LRRFIP1: variants seen among roughly 807,000 people sequenced by gnomAD.
LRRFIP1 encodes the protein leucine-rich repeat flightless-interacting protein 1.
Under a neutral mutation model 104.4 loss-of-function variants are expected in LRRFIP1, and 62 were observed. The observed-to-expected ratio is 0.59, with a 90% confidence interval of 0.48 to 0.73. The LOEUF is 0.73. Ranked by LOEUF, LRRFIP1 falls within the 30% of genes least tolerant of loss-of-function variation. LRRFIP1 has a pLI of 0.00. For missense variants in LRRFIP1, 796 were observed against 824.5 expected, an observed-to-expected ratio of 0.97 and a Z score of 0.42; for synonymous variants, 300 against 299.0, an observed-to-expected ratio of 1.00 and a Z score of -0.03.
chr2:237,648,762 C>T (rs1373303590), intron 1 of LRRFIP1, among the ~76,000 whole-genome samples: 1 of 150,434 alleles, frequency 6.6e-6, no homozygotes, highest in African/African-American at 2.4e-5. Context: ...TCAGAGCCTG[C>T]GTGACTGTGT....
intron 23 of LRRFIP1, among the ~76,000 whole-genome samples, chr2:237,776,880 C>T (rs2150944164): frequency 6.6e-6 from 1 of 152,194 alleles, no homozygotes; most frequent in South Asian, 2.1e-4. Flanking sequence ...GCCCTTAGTC[C>T]ATTGTTATTG....
intron 8 of LRRFIP1, among the ~76,000 whole-genome samples, chr2:237,730,141 G>GA (rs1205847057): frequency 6.6e-6 from 1 of 152,064 alleles, no homozygotes; most frequent in Non-Finnish European, 1.5e-5. Flanking sequence ...TAATCAAAAG[G>GA]AAAAAAATAA....
At chr2:237,757,669 C>T (rs1249249230) in intron 17 of LRRFIP1, 121 bp downstream of exon 17, 4 of 689,824 alleles carry the variant, frequency 5.8e-6, no homozygotes, top group Non-Finnish European at 1.0e-5. Context: ...TCCCACGTGA[C>T]ACAAAGTCGT....
chr2:237,647,048 G>A (rs572770084), intron 1 of LRRFIP1, among the ~76,000 whole-genome samples: 1 of 152,004 alleles, frequency 6.6e-6, no homozygotes, highest in African/African-American at 2.4e-5. Flanking sequence ...ATGATGGTTT[G>A]TTGTAAACTT....
intron 2 of LRRFIP1, among the ~76,000 whole-genome samples, chr2:237,709,597 G>A (rs769507173): frequency 6.6e-6 from 1 of 152,098 alleles, no homozygotes; most frequent in Non-Finnish European, 1.5e-5. Flanking sequence ...TGTAGATTCC[G>A]CCACATTCCC....
rs1277753718 is a variant in LRRFIP1, at chr2:237,772,238, T to C, written c.1627+40T>C. The C allele has an allele frequency of 6.7e-6, 10 of 1,488,854 alleles. No homozygotes were observed. The East Asian group carries it at 6.8e-5, about 10-fold the overall frequency. The allele number at this position is 1,488,854 out of a possible 1,614,324, so 92.2% of individuals were successfully genotyped here. A position where few individuals can be genotyped will look rare whatever the true frequency, so the allele number is the denominator to read the frequency against. On this transcript the variant is annotated intron_variant, in intron 21 of 23. Transcript: ENST00000308482. ...TTGTGTAGAAGTAAATGCTTTCACATGTGCTGTTTTAGTATACTTGTGCTG... is the reference window on the plus strand; with the variant it reads ...TTGTGTAGAAGTAAATGCTTTCACACGTGCTGTTTTAGTATACTTGTGCTG...
intron 1 of LRRFIP1, among the ~76,000 whole-genome samples, chr2:237,638,654 A>G (rs1462601900): frequency 6.6e-6 from 1 of 152,230 alleles, no homozygotes; most frequent in Non-Finnish European, 1.5e-5. Context: ...AGCACTTGAA[A>G]TGCGGTTAGT....
chr2:237,772,575 T>C lies in LRRFIP1; in HGVS notation c.1628-291T>C, dbSNP rs190904076. ...AAGGGAGATAAAATTATGCCCAGTCTCTCTCCGCCCTTTTCCCTACCCCCT... is the reference window on the plus strand; with the variant it reads ...AAGGGAGATAAAATTATGCCCAGTCCCTCTCCGCCCTTTTCCCTACCCCCT... On this transcript the variant is annotated intron_variant, in intron 21 of 23. Transcript: ENST00000308482. 27 of 504,986 alleles carry C rather than the reference T, an allele frequency of 5.3e-5. 1 individual carries two copies. In the East Asian group the frequency reaches 8.2e-4, roughly 15 times the overall value. The allele number at this position is 504,986 out of a possible 1,614,324, so 31.3% of individuals were successfully genotyped here. A position where few individuals can be genotyped will look rare whatever the true frequency, so the allele number is the denominator to read the frequency against.
In LRRFIP1 at chr2:237,779,512, G is replaced by T. The variant is rs924153067; in HGVS notation, c.1903G>T (p.Ala635Ser). 1.9e-6 allele frequency: 3 copies of T among 1,613,526 alleles called. No individual in the cohort carries two copies. Among genetic ancestry groups the T allele is most frequent in the Non-Finnish European group, 2.5e-6 (3 of 1,179,542 alleles). The change falls in exon 24 of 24, where the codon GCA (alanine) becomes TCA (serine). Residue 635 changes from alanine (A) to serine (S), a missense_variant. Transcript: ENST00000308482. ...GGAAAAAATGAAAGCAAATCGGAGTGCACTCTTGTCCCAGCAGTAAATTCC... is the reference window on the plus strand; with the variant it reads ...GGAAAAAATGAAAGCAAATCGGAGTTCACTCTTGTCCCAGCAGTAAATTCC... ...RLEKMKANRS[A>S]LLSQQ
At chr2:237,627,765 G>A (rs2081758919) in intron 1 of LRRFIP1, 25 bp downstream of exon 1, 1 of 1,210,660 alleles carries the variant, frequency 8.3e-7, no homozygotes. Context: ...AGGGCAGCCG[G>A]GGGGCGCCGG....
At chr2:237,747,955 T>A (rs2058092719) in intron 11 of LRRFIP1, among the ~76,000 whole-genome samples, 1 of 150,092 alleles carries the variant, frequency 6.7e-6, no homozygotes. Flanking sequence ...AAAAGAAACC[T>A]GTCTTTTGTT....
At chr2:237,736,933 C>T (rs948792182) in intron 10 of LRRFIP1, among the ~76,000 whole-genome samples, 3 of 152,196 alleles carry the variant, frequency 2.0e-5, no homozygotes, top group Admixed American at 2.0e-4. Flanking sequence ...TGGGAGAGAG[C>T]CACCCCTGCT....
chr2:237,703,899 C>T lies in LRRFIP1; in HGVS notation c.97-4645C>T, dbSNP rs967326141. 4.6e-5 allele frequency among the ~76,000 whole-genome samples: 7 copies of T among 152,272 alleles called. No individual in the cohort carries two copies. The highest frequency in any genetic ancestry group is 1.7e-4 in the African/African-American group (7 of 41,552). On this transcript the variant is annotated intron_variant, in intron 1 of 23. Coordinates refer to ENST00000308482, the MANE Select transcript of LRRFIP1 (RefSeq NM_001137550.2). This position sits in a 1 kb window ranked among gnomAD's most constrained non-coding sequence, Gnocchi z 4.3. ...CTCACAGAAAGTGACAGGCCGTGTTCAGAAGCTCTTCAAGCAGTCTGACGT... is the reference window on the plus strand; with the variant it reads ...CTCACAGAAAGTGACAGGCCGTGTTTAGAAGCTCTTCAAGCAGTCTGACGT...
At chr2:237,636,311 C>T (rs572668829) in intron 1 of LRRFIP1, among the ~76,000 whole-genome samples, 1 of 147,056 alleles carries the variant, frequency 6.8e-6, no homozygotes, top group African/African-American at 2.5e-5. Flanking sequence ...TTCTGTAAGA[C>T]AGAACAGAAA....
At chr2:237,772,641 CT>C (rs1276671032) in intron 21 of LRRFIP1, 1 of 582,774 alleles carries the variant, frequency 1.7e-6, no homozygotes, top group African/African-American at 1.9e-5. Context: ...ACTCTCTTGC[CT>C]GAGGTTTCCT....
chr2:237,639,764 G>A (rs909571868), intron 1 of LRRFIP1, among the ~76,000 whole-genome samples: 2 of 152,076 alleles, frequency 1.3e-5, no homozygotes, highest in Non-Finnish European at 2.9e-5. Flanking sequence ...TTGTGTTAGG[G>A]TTTCTCAATC....
chr2:237,655,309 C>T (rs1299493593), intron 1 of LRRFIP1, among the ~76,000 whole-genome samples: 1 of 150,946 alleles, frequency 6.6e-6, no homozygotes, highest in Admixed American at 6.6e-5. Flanking sequence ...TGGGTTTCAC[C>T]GTGTTTGCCA....
intron 6 of LRRFIP1, among the ~76,000 whole-genome samples, chr2:237,722,416 A>T (rs919315493): frequency 6.6e-6 from 1 of 152,120 alleles, no homozygotes; most frequent in East Asian, 1.9e-4. Context: ...AGAGTTGAAA[A>T]CCATTGCAAT....
chr2:237,773,326 T>G (rs887726826), intron 22 of LRRFIP1, among the ~76,000 whole-genome samples: 1 of 152,068 alleles, frequency 6.6e-6, no homozygotes, highest in African/African-American at 2.4e-5. Context: ...TCACTGAAGG[T>G]CGAGAGTTCG....
Sources: gnomAD v4.1 joint callset for allele counts (sites outside exome capture counted in the v4.1 genomes callset) on GRCh38, gnomAD v4.1.1 for gene constraint, Gnocchi (gnomAD v3.1) non-coding constraint, MANE v1.5 for transcripts, NCBI Gene and HGNC (gene_info 2026-07-23, HGNC 2026-07-21) for gene names.